IGSF3: variants seen among roughly 807,000 people sequenced by gnomAD.
The protein encoded by IGSF3 is glu-Trp-Ile EWI motif-containing protein 3.
In IGSF3, 23 loss-of-function variants were observed where a neutral mutation model predicts 114.4. That is an observed-to-expected ratio of 0.20 (90% CI 0.14 to 0.28). The LOEUF (loss-of-function observed/expected upper bound fraction) is 0.28, where lower values mean the gene tolerates loss of function less well. IGSF3 is among the 10% of genes least tolerant of loss of function. IGSF3 has a pLI of 1.00. For missense variants in IGSF3, 1,172 were observed against 1,591.5 expected (o/e 0.74, Z 4.48); for synonymous variants, 571 against 645.2 (o/e 0.88, Z 1.74).
At chr1:116,666,168 C>A in intron 2 of IGSF3, 116 bp downstream of exon 2, 1 of 970,138 alleles carries the variant, frequency 1.0e-6, no homozygotes, top group South Asian at 1.3e-5. Context: ...ACACACCGAC[C>A]GCCTCCTGGT....
At chr1:116,622,369 T>C (rs980119220) in intron 2 of IGSF3, among the ~76,000 whole-genome samples, 4 of 152,078 alleles carry the variant, frequency 2.6e-5, no homozygotes, top group African/African-American at 9.7e-5. Flanking sequence ...GAGATATCAA[T>C]ATATAAACAG....
chr1:116,667,668 T>A lies in IGSF3; in HGVS notation c.-681A>T, dbSNP rs1183707273. The A allele has an allele frequency of 6.6e-6, 1 of 151,210 alleles. No individual in the cohort carries two copies. The highest frequency in any genetic ancestry group is 1.5e-5 in the Non-Finnish European group (1 of 67,734). The allele number at this position is 151,210 out of a possible 1,614,324, so 9.4% of individuals were successfully genotyped here. On this transcript the variant is annotated 5_prime_UTR_variant, in exon 1 of 11. It removes an upstream start codon present in the reference 5' UTR. Coordinates refer to ENST00000369486, the MANE Select transcript of IGSF3 (RefSeq NM_001007237.3). Reference sequence around the variant, plus strand: ...GCGCGTCGGACCGTCCTTCAGTCCATCCAGGCGCACGCCTCAGGGGACGCG... The same window carrying A: ...GCGCGTCGGACCGTCCTTCAGTCCAACCAGGCGCACGCCTCAGGGGACGCG...
At chr1:116,652,349 T>C (rs1368770442) in intron 2 of IGSF3, among the ~76,000 whole-genome samples, 1 of 152,250 alleles carries the variant, frequency 6.6e-6, no homozygotes, top group Non-Finnish European at 1.5e-5. Context: ...GGCATTCTAT[T>C]AGCCTAGTTT....
rs539080035 is a variant in IGSF3, at chr1:116,595,786, T to C, written c.2029+4155A>G. 6.6e-6 allele frequency among the ~76,000 whole-genome samples: 1 copy of C among 152,340 alleles called. No homozygotes were observed. The highest frequency in any genetic ancestry group is 1.5e-5 in the Non-Finnish European group (1 of 68,028). On this transcript the variant is annotated intron_variant, in intron 7 of 10. Transcript: ENST00000369486. This position sits in a 1 kb window ranked among gnomAD's most constrained non-coding sequence, Gnocchi z 4.2. ...TGCTTCTGTATTTAAGGATATGTAATTGGAGGGTGTTTTGAGCTAAAGAAA... is the reference window on the plus strand; with the variant it reads ...TGCTTCTGTATTTAAGGATATGTAACTGGAGGGTGTTTTGAGCTAAAGAAA...
intron 5 of IGSF3, among the ~76,000 whole-genome samples, chr1:116,604,554 G>A (rs926881933): frequency 6.6e-5 from 10 of 152,330 alleles, no homozygotes; most frequent in East Asian, 1.9e-4. Flanking sequence ...GTATTGGGAC[G>A]ATAACGTGTG....
rs1375624088 is a variant in IGSF3 at position 116,600,819 on chromosome 1, G to A, written c.1625-474C>T. Among the ~76,000 whole-genome samples, 1 of 152,154 alleles carries A rather than the reference G, an allele frequency of 6.6e-6. No individual in the cohort carries two copies. Among genetic ancestry groups the A allele is most frequent in the East Asian group, 1.9e-4 (1 of 5,200 alleles). ...CGCACTGGTGCCGAGAAGGGAAGCA[G>A]ATGGAGTCGGCCTCCAGTCCCTTTC... On this transcript the variant is annotated intron_variant, in intron 6 of 10. Coordinates refer to ENST00000369486, the MANE Select transcript of IGSF3 (RefSeq NM_001007237.3). This position sits in a 1 kb window ranked among gnomAD's most constrained non-coding sequence, Gnocchi z 5.5.
intron 2 of IGSF3, among the ~76,000 whole-genome samples, chr1:116,622,989 T>C (rs1661466811): frequency 6.6e-6 from 1 of 152,216 alleles, no homozygotes; most frequent in South Asian, 2.1e-4. Context: ...GCATGCTGAA[T>C]TGGTGGAGTC....
chr1:116,611,532 G>T (rs185583739), intron 4 of IGSF3, among the ~76,000 whole-genome samples: 22 of 151,926 alleles, frequency 1.4e-4, no homozygotes, highest in Admixed American at 1.4e-3. Flanking sequence ...TTGGGGCTTC[G>T]GGGTCCCTTT....
In IGSF3 at chr1:116,577,977, T is replaced by A. The variant is rs1205458519; in HGVS notation, c.3335-415A>T. On this transcript the variant is annotated intron_variant, in intron 10 of 10. Coordinates refer to ENST00000369486, the MANE Select transcript of IGSF3 (RefSeq NM_001007237.3). This position sits in a 1 kb window ranked among gnomAD's most constrained non-coding sequence, Gnocchi z 5.7. ...CTACAGACTTCCTTCTCTGGGATTA[T>A]GACACAATCCCTTCCTGCCAGCTTC... 6.6e-6 allele frequency among the ~76,000 whole-genome samples: 1 copy of A among 152,222 alleles called. No homozygotes were observed. The highest frequency in any genetic ancestry group is 6.5e-5 in the Admixed American group (1 of 15,292).
rs1354627912 is a variant in IGSF3 at position 116,636,426 on chromosome 1, C to T, written c.44-19969G>A. Among the ~76,000 whole-genome samples the T allele has an allele frequency of 6.6e-6, 1 of 152,184 alleles. No homozygotes were observed. Among genetic ancestry groups the T allele is most frequent in the Non-Finnish European group, 1.5e-5 (1 of 68,038 alleles). On this transcript the variant is annotated intron_variant, in intron 2 of 10. Coordinates refer to ENST00000369486, the MANE Select transcript of IGSF3 (RefSeq NM_001007237.3). This position sits in a 1 kb window ranked among gnomAD's most constrained non-coding sequence, Gnocchi z 4.5. ...TTATGCCTGGAAGAACTGCTGCTCT[C>T]CAATAGCATGAAGTAGACAATGATG... is the stretch of plus-strand genomic sequence containing the variant.
rs548316377 is a variant in IGSF3, at chr1:116,638,468, A to G, written c.44-22011T>C. Among the ~76,000 whole-genome samples the G allele has an allele frequency of 6.6e-6, 1 of 152,330 alleles. No individual in the cohort carries two copies. The highest frequency in any genetic ancestry group is 6.5e-5 in the Admixed American group (1 of 15,306). On this transcript the variant is annotated intron_variant, in intron 2 of 10. Coordinates refer to ENST00000369486, the MANE Select transcript of IGSF3 (RefSeq NM_001007237.3). The surrounding 1 kb of genome is among the most constrained non-coding windows in gnomAD (Gnocchi z 4.1). ...AGATTCCACTTTGCCAATCACATCAAGTCCAAACTCCGTGTCTTGGTATCC... is the reference window on the plus strand; with the variant it reads ...AGATTCCACTTTGCCAATCACATCAGGTCCAAACTCCGTGTCTTGGTATCC...
At chr1:116,631,085 G>A (rs563300730) in intron 2 of IGSF3, among the ~76,000 whole-genome samples, 96 of 152,128 alleles carry the variant, frequency 6.3e-4, no homozygotes, top group Admixed American at 9.8e-4. Context: ...TTGGGAGGCC[G>A]AGGCGGGTGG....
intron 5 of IGSF3, chr1:116,606,544 G>C: frequency 1.1e-6 from 1 of 927,856 alleles, no homozygotes; most frequent in South Asian, 1.3e-5. Context: ...TAACTACCCA[G>C]TTATCTGCTG....
intron 2 of IGSF3, among the ~76,000 whole-genome samples, chr1:116,652,739 A>T (rs61787765): frequency 6.6e-6 from 1 of 152,230 alleles, no homozygotes; most frequent in Non-Finnish European, 1.5e-5. Flanking sequence ...GTATCATTCA[A>T]GGAAAAATGT....
Position 116,666,446 on chromosome 1 carries a change from G to A in IGSF3, c.-120C>T, listed in dbSNP as rs1649337690. 2.3e-6 allele frequency: 2 copies of A among 885,920 alleles called. No homozygotes were observed. Among genetic ancestry groups the A allele is most frequent in the South Asian group, 1.4e-5 (1 of 72,122 alleles). The allele number at this position is 885,920 out of a possible 1,614,324, so 54.9% of individuals were successfully genotyped here. On this transcript the variant is annotated 5_prime_UTR_variant, in exon 2 of 11. Transcript: ENST00000369486. ...CAGTTTTGGAAATAGAACTTAACTCGGAAAATGGGAACAGATTAAAAAGAA... is the reference window on the plus strand; with the variant it reads ...CAGTTTTGGAAATAGAACTTAACTCAGAAAATGGGAACAGATTAAAAAGAA...
intron 2 of IGSF3, among the ~76,000 whole-genome samples, chr1:116,637,944 C>T (rs758621683): frequency 2.6e-5 from 4 of 152,180 alleles, no homozygotes; most frequent in African/African-American, 9.7e-5. Context: ...GAAAACAATA[C>T]TTGGCCACAC....
intron 4 of IGSF3, among the ~76,000 whole-genome samples, chr1:116,609,722 T>A (rs1460854447): frequency 6.6e-6 from 1 of 152,092 alleles, no homozygotes; most frequent in African/African-American, 2.4e-5. Flanking sequence ...TAGACTGGCA[T>A]GTCTAGCCTT....
In IGSF3 at chr1:116,608,143, C is replaced by A. The variant is rs758666419; in HGVS notation, c.1021G>T (p.Ala341Ser). Residue 341 changes from alanine (A) to serine (S), a missense_variant, in exon 5 of 11, where the codon GCT (alanine) becomes TCT (serine). Transcript: ENST00000369486. Reference protein sequence around the residue: ...NAVPVLNSEFAHREARGQLKV... With the variant: ...NAVPVLNSEFSHREARGQLKV... The stretch of plus-strand genomic sequence containing the variant: ...AGCTGTCCCCTGGCTTCCCGGTGAG[C>A]AAATTCGCTGTTGAGGACAGGCACA... The A allele has an allele frequency of 1.4e-5, 23 of 1,613,744 alleles. No individual in the cohort carries two copies. The highest frequency in any genetic ancestry group is 1.8e-5 in the Non-Finnish European group (21 of 1,179,814).
In IGSF3 at chr1:116,612,709, A is replaced by T. The variant is rs1661069780; in HGVS notation, c.832+1056T>A. On this transcript the variant is annotated intron_variant, in intron 4 of 10. Coordinates refer to ENST00000369486, the MANE Select transcript of IGSF3 (RefSeq NM_001007237.3). The surrounding 1 kb of genome is among the most constrained non-coding windows in gnomAD (Gnocchi z 4.1). ...CACACTCACTCACCAGAACCACCAC[A>T]GTCCTCACCAGAAGTGAGCTTCCGC... Among the ~76,000 whole-genome samples, 1 of 152,236 alleles carries T rather than the reference A, an allele frequency of 6.6e-6. No homozygotes were observed. The highest frequency in any genetic ancestry group is 2.4e-5 in the African/African-American group (1 of 41,456).
Sources: allele counts gnomAD v4.1 joint callset (sites outside exome capture counted in the v4.1 genomes callset), GRCh38; gene constraint gnomAD v4.1.1; non-coding constraint Gnocchi (gnomAD v3.1); transcripts MANE v1.5; gene names NCBI Gene and HGNC (gene_info 2026-07-23, HGNC 2026-07-21).